The following DMD variants were observed in gnomAD, a reference collection of about 807,000 sequenced individuals.
DMD encodes the protein dystrophin, also known as mutant dystrophin.
Under a neutral mutation model 330.1 loss-of-function variants are expected in DMD, and 63 were observed. That is an observed-to-expected ratio of 0.19 (90% CI 0.16 to 0.24). The LOEUF is 0.24. Among genes scored for constraint, DMD ranks in the 10% least tolerant of loss-of-function variants. DMD has a pLI of 1.00. For missense variants in DMD, 3,344 were observed against 2,684.1 expected, an observed-to-expected ratio of 1.25 and a Z score of -5.43; for synonymous variants, 1,223 against 959.8, an observed-to-expected ratio of 1.27 and a Z score of -5.07.
chrX:32,113,492 C>T (rs1378524195), intron 44 of DMD, among the ~76,000 whole-genome samples: 1 of 111,741 alleles, frequency 8.9e-6, no homozygotes, highest in African/African-American at 3.3e-5. Context: ...ACAGCAAACA[C>T]AGGTGACTTT....
At chrX:33,018,647 T>A (rs903769088) in intron 2 of DMD, among the ~76,000 whole-genome samples, 16 of 111,929 alleles carry the variant, frequency 1.4e-4, no homozygotes, top group African/African-American at 4.2e-4. Flanking sequence ...ATTGTTACAT[T>A]TACTATTTCA....
chrX:33,144,031 T>C (rs1169564769), intron 1 of DMD, among the ~76,000 whole-genome samples: 1 of 111,892 alleles, frequency 8.9e-6, no homozygotes, highest in Admixed American at 9.6e-5. Flanking sequence ...TTTGTTACCT[T>C]TGCACACAGC....
intron 44 of DMD, among the ~76,000 whole-genome samples, chrX:32,058,410 T>C (rs2147636865): frequency 9.1e-6 from 1 of 110,015 alleles, no homozygotes; most frequent in Admixed American, 9.8e-5. Flanking sequence ...AACCCAATTT[T>C]TAAAGTGAAC....
chrX:31,660,274 T>A (rs2081050195), intron 53 of DMD, among the ~76,000 whole-genome samples: 1 of 112,130 alleles, frequency 8.9e-6, no homozygotes, highest in African/African-American at 3.2e-5. Context: ...TATCAAGCAT[T>A]ACAGTTTCTA....
intron 1 of DMD, among the ~76,000 whole-genome samples, chrX:33,198,367 A>G (rs2051078082): frequency 9.0e-6 from 1 of 111,238 alleles, no homozygotes; most frequent in African/African-American, 3.3e-5. Flanking sequence ...AAGGAAAGAA[A>G]AAGGACATGG....
intron 52 of DMD, among the ~76,000 whole-genome samples, chrX:31,716,247 A>AAAACATG: frequency 1.8e-5 from 2 of 112,320 alleles, no homozygotes; most frequent in Non-Finnish European, 3.8e-5. Flanking sequence ...AATGGTGTTT[A>AAAACATG]TTTTTTAAAA....
chrX:31,365,857 G>C (rs1026363455), intron 60 of DMD, among the ~76,000 whole-genome samples: 4 of 112,493 alleles, frequency 3.6e-5, no homozygotes, highest in African/African-American at 9.7e-5. Flanking sequence ...TAGGTGAATG[G>C]GGTCTAAACC....
chrX:32,629,799 TAA>T (rs57965070), intron 11 of DMD, among the ~76,000 whole-genome samples: 9 of 99,177 alleles, frequency 9.1e-5, no homozygotes, highest in African/African-American at 2.9e-4. Context: ...AAGAGAAAAC[TAA>T]AAAAAAAAAA....
At chrX:32,332,025 T>G (rs2097682713) in intron 41 of DMD, among the ~76,000 whole-genome samples, 1 of 111,644 alleles carries the variant, frequency 9.0e-6, no homozygotes. Context: ...TGCTTTAACT[T>G]AATAGCTTGT....
rs6631367 is a variant in DMD at position 31,697,403 on chromosome X, T to C, written c.7661-17817A>G. On this transcript the variant is annotated intron_variant, in intron 52 of 78. Coordinates refer to ENST00000357033, the MANE Select transcript of DMD (RefSeq NM_004006.3). ...ACAAAGGTCCGTCATGGAAAGCTTC[T>C]CGACTAATTTGTGCAGTAAATAGAT... is the stretch of plus-strand genomic sequence containing the variant. 4.5e-5 allele frequency among the ~76,000 whole-genome samples: 5 copies of C among 111,202 alleles called. No homozygotes were observed. In the East Asian group the frequency reaches 1.4e-3, roughly 31 times the overall value.
rs958610119 is a variant in DMD at position 32,216,748 on chromosome X, C to G, written c.6438+168G>C. On this transcript the variant is annotated intron_variant, in intron 44 of 78. Coordinates refer to ENST00000357033, the MANE Select transcript of DMD (RefSeq NM_004006.3). Reference sequence around the variant, plus strand: ...TCCTGACACAAAAAGTCCATAGCACCGTGCTCTAATATTATCATTATGATA... The same window carrying G: ...TCCTGACACAAAAAGTCCATAGCACGGTGCTCTAATATTATCATTATGATA... 5 of 476,847 alleles carry G rather than the reference C, an allele frequency of 1.0e-5. No homozygotes were observed. In the African/African-American group the frequency reaches 1.2e-4, roughly 12 times the overall value. 39.3% of individuals were successfully genotyped at this position (476,847 alleles called of 1,213,427 possible).
chrX:31,956,872 G>A (rs187410084), intron 45 of DMD, among the ~76,000 whole-genome samples: 1 of 112,369 alleles, frequency 8.9e-6, no homozygotes. Context: ...TGATTATGTC[G>A]AACAAAATCC....
chrX:32,142,668 T>C (rs2096759201), intron 44 of DMD, among the ~76,000 whole-genome samples: 1 of 112,456 alleles, frequency 8.9e-6, no homozygotes, highest in African/African-American at 3.2e-5. Context: ...GAATTTCAGA[T>C]ATTTTACTCC....
chrX:31,702,186 C>T (rs1206056577), intron 52 of DMD, among the ~76,000 whole-genome samples: 4 of 112,106 alleles, frequency 3.6e-5, no homozygotes, highest in African/African-American at 1.3e-4. Context: ...TTGCTATTCC[C>T]TAGGGGTCTC....
At chrX:33,233,098 A>C (rs909600705) in intron 1 of DMD, among the ~76,000 whole-genome samples, 2 of 111,698 alleles carry the variant, frequency 1.8e-5, no homozygotes, top group Admixed American at 9.5e-5. Flanking sequence ...TTTCACCACA[A>C]AAAAAATATG....
chrX:31,194,018 T>C (rs140117481), intron 67 of DMD, among the ~76,000 whole-genome samples: 2,365 of 110,669 alleles, frequency 0.021, 16 homozygotes, highest in Middle Eastern at 0.051. Context: ...CTGTCTCTAC[T>C]AAAAATACAA....
intron 59 of DMD, among the ~76,000 whole-genome samples, chrX:31,456,344 C>T (rs1417595682): frequency 1.8e-5 from 2 of 112,034 alleles, no homozygotes; most frequent in Non-Finnish European, 3.8e-5. Flanking sequence ...CTCTGCAAAG[C>T]AGTAGGTAAT....
intron 7 of DMD, among the ~76,000 whole-genome samples, chrX:32,708,532 C>T (rs988209865): frequency 5.4e-5 from 6 of 111,281 alleles, no homozygotes; most frequent in African/African-American, 2.0e-4. Context: ...TCAATATATA[C>T]GATCTATTAT....
intron 2 of DMD, among the ~76,000 whole-genome samples, chrX:32,902,145 TCACACACACACAAACACACACACACA>T (rs1367466775): frequency 1.7e-5 from 1 of 60,135 alleles, no homozygotes; most frequent in African/African-American, 6.5e-5. Context: ...TAAGCAAGCA[TCACACACACACAAACACACACACACA>T]CACACACACA....
Sources: gnomAD v4.1 joint callset for allele counts (sites outside exome capture counted in the v4.1 genomes callset) on GRCh38, gnomAD v4.1.1 for gene constraint, MANE v1.5 for transcripts, NCBI Gene and HGNC (gene_info 2026-07-23, HGNC 2026-07-21) for gene names.